Variants in PBRM1 observed in about 807,000 individuals in gnomAD.
PBRM1 encodes the protein polybromo 1, also known as protein polybromo-1.
In PBRM1, 27 loss-of-function variants were observed where a neutral mutation model predicts 194.5. That is an observed-to-expected ratio of 0.14 (90% CI 0.10 to 0.19). The LOEUF (loss-of-function observed/expected upper bound fraction) is 0.19. Among genes scored for constraint, PBRM1 ranks in the 10% least tolerant of loss-of-function variants. PBRM1 has a pLI of 1.00. For missense variants in PBRM1, 1,466 were observed against 2,077.2 expected (o/e 0.71, Z 5.72); for synonymous variants, 655 against 693.2 (o/e 0.94, Z 0.87).
chr3:52,583,419 A>AC (rs1365217250), intron 20 of PBRM1, among the ~76,000 whole-genome samples: 1 of 149,944 alleles, frequency 6.7e-6, no homozygotes, highest in African/African-American at 2.4e-5. Flanking sequence ...AAAAAAAACA[A>AC]AAAAAAAAAC....
chr3:52,633,718 G>A (rs1407191181), intron 11 of PBRM1, among the ~76,000 whole-genome samples: 1 of 151,998 alleles, frequency 6.6e-6, no homozygotes, highest in Non-Finnish European at 1.5e-5. Context: ...GTGCAAAGTG[G>A]TATCACACAA....
At chr3:52,661,985 T>C in intron 4 of PBRM1, 148 bp downstream of exon 5, 1 of 756,896 alleles carries the variant, frequency 1.3e-6, no homozygotes, top group Non-Finnish European at 2.1e-6. Flanking sequence ...AGTGGGGCTC[T>C]CTGGCTGAAT....
chr3:52,574,476 G>A (rs1175391050), intron 22 of PBRM1, among the ~76,000 whole-genome samples: 3 of 152,134 alleles, frequency 2.0e-5, no homozygotes, highest in Admixed American at 6.5e-5. Context: ...TTGCCGGCTG[G>A]GGCAAAGGGT....
chr3:52,672,822 A>T (rs2096980692), intron 2 of PBRM1, among the ~76,000 whole-genome samples: 5 of 151,174 alleles, frequency 3.3e-5, no homozygotes, highest in Non-Finnish European at 7.4e-5. Flanking sequence ...GAGAATAGTG[A>T]TTATATTTTG....
At chr3:52,598,365 GC>G (rs2093724832) in intron 17 of PBRM1, among the ~76,000 whole-genome samples, 1 of 151,970 alleles carries the variant, frequency 6.6e-6, no homozygotes, top group African/African-American at 2.4e-5. Context: ...CTGCAACCTG[GC>G]CCCTAGCAAC....
At chr3:52,658,139 A>G in intron 5 of PBRM1, 60 bp downstream of exon 6, 3 of 822,008 alleles carry the variant, frequency 3.6e-6, no homozygotes, top group Non-Finnish European at 2.1e-6. Context: ...AATTAATACA[A>G]TTCTTGAAGT....
intron 20 of PBRM1, among the ~76,000 whole-genome samples, chr3:52,581,644 C>T (rs1474345056): frequency 2.1e-5 from 3 of 143,846 alleles, no homozygotes; most frequent in Admixed American, 7.0e-5. Flanking sequence ...TAAAGTAATT[C>T]TTTTTTTTTT....
exon 4 of PBRM1, chr3:52,662,182 T>C (rs1327678669): frequency 6.2e-7 from 1 of 1,614,004 alleles, no homozygotes; most frequent in African/African-American, 1.3e-5. Flanking sequence ...ATCATCATCT[T>C]CGTCATCTGC....
intron 2 of PBRM1, 40 bp downstream of exon 3, chr3:52,678,460 C>T (rs2097150320): frequency 7.4e-7 from 1 of 1,347,322 alleles, no homozygotes; most frequent in African/African-American, 1.4e-5. Flanking sequence ...GGACTCTGGA[C>T]CAAATCCCCC....
intron 3 of PBRM1, among the ~76,000 whole-genome samples, chr3:52,664,845 A>G (rs913137134): frequency 6.6e-6 from 1 of 152,190 alleles, no homozygotes; most frequent in Non-Finnish European, 1.5e-5. Context: ...CAGAGTTACT[A>G]CAAGAACAGG....
At chr3:52,597,543 A>G (rs2093664784) in intron 17 of PBRM1, among the ~76,000 whole-genome samples, 1 of 152,174 alleles carries the variant, frequency 6.6e-6, no homozygotes, top group Non-Finnish European at 1.5e-5. Flanking sequence ...CTATCAGTTT[A>G]CTCAAAGGGA....
intron 1 of PBRM1, chr3:52,685,467 TTGACA>T (rs941670458): frequency 1.3e-5 from 2 of 152,122 alleles, no homozygotes; most frequent in Non-Finnish European, 2.9e-5. Flanking sequence ...GAGGGAAACG[TTGACA>T]GCTTTGAAGC....
intron 20 of PBRM1, among the ~76,000 whole-genome samples, chr3:52,583,055 C>T (rs147749551): frequency 0.014 from 1,964 of 137,918 alleles, 18 homozygotes; most frequent in South Asian, 0.035. Flanking sequence ...TGAGATCACG[C>T]CAATGCACTC....
chr3:52,637,771 T>TACAAAAAAAA (rs2095875901), intron 10 of PBRM1, among the ~76,000 whole-genome samples: 1 of 20,986 alleles, frequency 4.8e-5, no homozygotes, highest in Non-Finnish European at 1.0e-4. Context: ...CTACTAAAAA[T>TACAAAAAAAA]ACAAAAAAAA....
intron 3 of PBRM1, among the ~76,000 whole-genome samples, chr3:52,666,988 C>A (rs1019739884): frequency 2.6e-5 from 4 of 151,564 alleles, no homozygotes; most frequent in Non-Finnish European, 5.9e-5. Flanking sequence ...AATAAAAGGA[C>A]AGAAACAGAT....
chr3:52,636,633 T>C (rs1357995410), intron 10 of PBRM1, among the ~76,000 whole-genome samples: 1 of 151,258 alleles, frequency 6.6e-6, no homozygotes, highest in African/African-American at 2.4e-5. Context: ...GGCAGGTGAC[T>C]GTAATCCCAG....
intron 10 of PBRM1, among the ~76,000 whole-genome samples, chr3:52,635,760 T>C (rs2095786954): frequency 6.6e-6 from 1 of 152,212 alleles, no homozygotes; most frequent in African/African-American, 2.4e-5. Context: ...TTGCTATGCT[T>C]GGCCAAAAGG....
At chr3:52,560,394 AGTTCTAG>A (rs2083233230) in intron 25 of PBRM1, among the ~76,000 whole-genome samples, 1 of 152,220 alleles carries the variant, frequency 6.6e-6, no homozygotes, top group Non-Finnish European at 1.5e-5. Flanking sequence ...AGCTCCACAA[AGTTCTAG>A]GTTCTTATGG....
At chr3:52,562,537 CTTTTTTTTTTT>C (rs61349809) in intron 24 of PBRM1, among the ~76,000 whole-genome samples, 1 of 108,216 alleles carries the variant, frequency 9.2e-6, no homozygotes, top group Non-Finnish European at 2.0e-5. Context: ...TGAGAAAATT[CTTTTTTTTTTT>C]TTTTTTTTTT....
Sources: allele counts gnomAD v4.1 joint callset (sites outside exome capture counted in the v4.1 genomes callset), GRCh38; gene constraint gnomAD v4.1.1; transcripts MANE v1.5; gene names NCBI Gene and HGNC (gene_info 2026-07-23, HGNC 2026-07-21).